The following TNS3 variants were observed in gnomAD, a reference collection of about 807,000 sequenced individuals.
The protein encoded by TNS3 is tensin-3.
Under a neutral mutation model 140.9 loss-of-function variants are expected in TNS3, and 45 were observed. The ratio of observed to expected loss-of-function variants is 0.32; its 90% CI spans 0.25 to 0.41. The LOEUF (loss-of-function observed/expected upper bound fraction) is 0.41. TNS3 is among the 10% of genes least tolerant of loss of function. The probability of loss-of-function intolerance (pLI) is 1.00; values close to 1 mark genes in which losing one functional copy is unlikely to be tolerated. For missense variants in TNS3, 1,716 were observed against 1,906.7 expected, an observed-to-expected ratio of 0.90 and a Z score of 1.86; for synonymous variants, 815 against 788.4, an observed-to-expected ratio of 1.03 and a Z score of -0.56.
chr7:47,350,884 T>TC (rs2151025982), intron 17 of TNS3, among the ~76,000 whole-genome samples: 1 of 152,348 alleles, frequency 6.6e-6, no homozygotes, highest in African/African-American at 2.4e-5. Flanking sequence ...ACAAACACGC[T>TC]CCAACATTAA....
At chr7:47,566,269 G>A (rs1800427070) in intron 1 of TNS3, among the ~76,000 whole-genome samples, 1 of 152,190 alleles carries the variant, frequency 6.6e-6, no homozygotes, top group Admixed American at 6.5e-5. Flanking sequence ...CGGCTGGTAG[G>A]TGAGCCTGGG....
intron 1 of TNS3, among the ~76,000 whole-genome samples, chr7:47,551,833 C>A (rs1364287564): frequency 6.6e-6 from 1 of 152,136 alleles, no homozygotes; most frequent in Admixed American, 6.5e-5. Flanking sequence ...ACCCTAAATT[C>A]TTGCACTTGC....
chr7:47,471,130 T>G (rs1244307229), intron 4 of TNS3, among the ~76,000 whole-genome samples: 1 of 152,082 alleles, frequency 6.6e-6, no homozygotes, highest in Admixed American at 6.5e-5. Flanking sequence ...GCCTGTATGT[T>G]ATTTTAGGCG....
At chr7:47,552,269 G>A (rs928984119) in intron 1 of TNS3, among the ~76,000 whole-genome samples, 1 of 152,136 alleles carries the variant, frequency 6.6e-6, no homozygotes, top group African/African-American at 2.4e-5. Flanking sequence ...CATGAGTGAA[G>A]GCGAGAAACA....
intron 17 of TNS3, among the ~76,000 whole-genome samples, chr7:47,351,790 G>A (rs1200568485): frequency 6.6e-6 from 1 of 152,172 alleles, no homozygotes; most frequent in African/African-American, 2.4e-5. Flanking sequence ...GCTCAGAGTG[G>A]GGTTACAAAA....
At chr7:47,331,452 C>T (rs1240444620) in intron 20 of TNS3, among the ~76,000 whole-genome samples, 1 of 152,158 alleles carries the variant, frequency 6.6e-6, no homozygotes, top group African/African-American at 2.4e-5. Context: ...AAACCCTCCA[C>T]AACCTCAGCG....
chr7:47,434,072 A>G lies in TNS3; in HGVS notation c.324+1210T>C, dbSNP rs562616244. On this transcript the variant is annotated intron_variant, in intron 8 of 30. Coordinates refer to ENST00000311160, the MANE Select transcript of TNS3 (RefSeq NM_022748.12). ...ATGATCAAGTTAGATGTGAGGAAAG[A>G]GACAACACTAGAGAGAAGCAAATAA... Among the ~76,000 whole-genome samples the G allele has an allele frequency of 2.6e-5, 4 of 152,246 alleles. No individual in the cohort carries two copies. The East Asian group carries it at 7.7e-4, about 29-fold the overall frequency.
Position 47,407,321 on chromosome 7 carries a change from G to A in TNS3, c.723+4406C>T, listed in dbSNP as rs574316909. On this transcript the variant is annotated intron_variant, in intron 13 of 30. Coordinates refer to ENST00000311160, the MANE Select transcript of TNS3 (RefSeq NM_022748.12). This position sits in a 1 kb window ranked among gnomAD's most constrained non-coding sequence, Gnocchi z 4.1. The stretch of plus-strand genomic sequence containing the variant: ...TCCCACCTAACCTTTAGCTCTTGCC[G>A]CCGCGCACCTTCTGCCATGCTCAGT... Among the ~76,000 whole-genome samples, 1 of 152,124 alleles carries A rather than the reference G, an allele frequency of 6.6e-6. No individual in the cohort carries two copies. The highest frequency in any genetic ancestry group is 1.5e-5 in the Non-Finnish European group (1 of 68,032).
intron 1 of TNS3, among the ~76,000 whole-genome samples, chr7:47,544,328 C>T (rs1312519774): frequency 1.3e-5 from 2 of 152,130 alleles, no homozygotes; most frequent in Admixed American, 1.3e-4. Flanking sequence ...CGGAGCACAC[C>T]TTTCTCATGG....
intron 1 of TNS3, among the ~76,000 whole-genome samples, chr7:47,574,450 C>T (rs908442481): frequency 6.6e-5 from 10 of 151,724 alleles, no homozygotes; most frequent in African/African-American, 2.4e-4. Flanking sequence ...GTCTCAACTG[C>T]AATTTGACCA....
At chr7:47,346,673 C>T (rs1293095127) in intron 17 of TNS3, among the ~76,000 whole-genome samples, 3 of 152,094 alleles carry the variant, frequency 2.0e-5, no homozygotes, top group South Asian at 2.1e-4. Context: ...GGACAGTGCC[C>T]GGATGGAATG....
chr7:47,461,006 T>C (rs1002353734), intron 4 of TNS3, among the ~76,000 whole-genome samples: 1 of 152,148 alleles, frequency 6.6e-6, no homozygotes, highest in Non-Finnish European at 1.5e-5. Context: ...ATTGAGCAAT[T>C]AACTTCAAAA....
intron 27 of TNS3, among the ~76,000 whole-genome samples, chr7:47,289,060 A>G (rs1785565549): frequency 6.6e-6 from 1 of 152,208 alleles, no homozygotes; most frequent in African/African-American, 2.4e-5. Flanking sequence ...AAATAACTTA[A>G]ACACTACAAA....
intron 3 of TNS3, among the ~76,000 whole-genome samples, chr7:47,504,545 C>T (rs569487900): frequency 6.6e-6 from 1 of 152,352 alleles, no homozygotes; most frequent in East Asian, 1.9e-4. Context: ...AGCCTATGAG[C>T]TGAACCAAGG....
At chr7:47,498,314 G>A (rs919493586) in intron 3 of TNS3, among the ~76,000 whole-genome samples, 1 of 152,212 alleles carries the variant, frequency 6.6e-6, no homozygotes, top group Non-Finnish European at 1.5e-5. Context: ...CAGATGCCGA[G>A]AGTCAAGGCA....
intron 20 of TNS3, among the ~76,000 whole-genome samples, chr7:47,320,967 G>A (rs1787702702): frequency 6.6e-6 from 1 of 152,202 alleles, no homozygotes; most frequent in East Asian, 1.9e-4. Flanking sequence ...CCATCGCGAC[G>A]AGGAAGAAAT....
At chr7:47,294,741 G>C (rs943590017) in intron 24 of TNS3, among the ~76,000 whole-genome samples, 1 of 152,222 alleles carries the variant, frequency 6.6e-6, no homozygotes, top group Admixed American at 6.5e-5. Flanking sequence ...ATTTCACAAG[G>C]GCAGTAAAGC....
chr7:47,520,575 A>G (rs1206444492), intron 2 of TNS3, among the ~76,000 whole-genome samples: 4 of 152,190 alleles, frequency 2.6e-5, no homozygotes, highest in Non-Finnish European at 2.9e-5. Flanking sequence ...AGAAAACAGG[A>G]AGGATTTCAG....
At position 47,303,371 on chromosome 7, in the gene TNS3, C is replaced by T. The variant is rs1163887218; in HGVS notation, c.3036G>A (p.Ala1012=). The change falls in exon 22 of 31, where the codon GCG becomes GCA. Residue 1012 remains alanine (A), a synonymous_variant. Transcript: ENST00000311160. Reference sequence around the variant, plus strand: ...CCAGGAAGGCCTGGCTGCTGGGAGGCGCCAGGGAGTCCGGTGGCTCTGCTA... The same window carrying T: ...CCAGGAAGGCCTGGCTGCTGGGAGGTGCCAGGGAGTCCGGTGGCTCTGCTA... ...LSLAEPPDSL[A]PPSSQAFLGF... 10 of 1,613,498 alleles carry T rather than the reference C, an allele frequency of 6.2e-6. No individual in the cohort carries two copies. The highest frequency in any genetic ancestry group is 7.6e-6 in the Non-Finnish European group (9 of 1,179,914).
Sources: allele counts gnomAD v4.1 joint callset (sites outside exome capture counted in the v4.1 genomes callset), GRCh38; gene constraint gnomAD v4.1.1; non-coding constraint Gnocchi (gnomAD v3.1); transcripts MANE v1.5; gene names NCBI Gene and HGNC (gene_info 2026-07-23, HGNC 2026-07-21).